MEIG1: variants seen among roughly 807,000 people sequenced by gnomAD.
The protein encoded by MEIG1 is meiosis expressed gene 1 protein homolog.
In MEIG1, 12 loss-of-function variants were observed where a neutral mutation model predicts 11.3. That is an observed-to-expected ratio of 1.07 (90% CI 0.68 to 1.73). The LOEUF (loss-of-function observed/expected upper bound fraction) is 1.73, where lower values mean the gene tolerates loss of function less well. Ranked by LOEUF, MEIG1 falls within the 40% of genes most tolerant of loss-of-function variation. The pLI is 0.00. For synonymous variants in MEIG1, 41 were observed against 33.2 expected (o/e 1.24, Z -0.81); for missense variants, 119 against 104.9 (o/e 1.13, Z -0.59).
At chr10:14,984,253 G>C (rs1056732839) in intron 1 of MEIG1, among the ~76,000 whole-genome samples, 1 of 150,882 alleles carries the variant, frequency 6.6e-6, no homozygotes, top group Admixed American at 6.6e-5. Context: ...TCCAGGGTGG[G>C]AGAGGGGGGT....
chr10:14,986,754 C>T (rs947380084), intron 1 of MEIG1: 2 of 331,224 alleles, frequency 6.0e-6, no homozygotes, highest in African/African-American at 4.4e-5. Flanking sequence ...AGACTACAGG[C>T]AGGCGTCACC....
At chr10:14,965,075 T>C (rs1199483813) in intron 1 of MEIG1, among the ~76,000 whole-genome samples, 1 of 144,398 alleles carries the variant, frequency 6.9e-6, no homozygotes, top group African/African-American at 2.6e-5. Flanking sequence ...CGAGCCACCA[T>C]GTCCAGCCTT....
intron 1 of MEIG1, among the ~76,000 whole-genome samples, chr10:14,963,702 C>T (rs186411207): frequency 6.6e-5 from 10 of 152,160 alleles, no homozygotes; most frequent in African/African-American, 1.2e-4. Flanking sequence ...CGGTGGCTTA[C>T]ACCTGTAATC....
At chr10:14,960,670 G>T (rs916737336) in intron 1 of MEIG1, among the ~76,000 whole-genome samples, 2 of 151,734 alleles carry the variant, frequency 1.3e-5, no homozygotes, top group African/African-American at 4.8e-5. Flanking sequence ...CACCCGCCTC[G>T]GTCTCCCAAA....
chr10:14,979,415 G>T (rs1796043291), intron 1 of MEIG1, among the ~76,000 whole-genome samples: 1 of 151,738 alleles, frequency 6.6e-6, no homozygotes, highest in African/African-American at 2.4e-5. Context: ...TATGCCCTGG[G>T]ATAGTATTCA....
downstream of MEIG1, among the ~76,000 whole-genome samples, chr10:14,974,418 C>T (rs1163890436): frequency 1.3e-5 from 2 of 152,044 alleles, no homozygotes; most frequent in Non-Finnish European, 2.9e-5. Flanking sequence ...GTATTGTTTT[C>T]CCAGTTGAGA....
Position 14,966,510 on chromosome 10 carries a change from CA to C in MEIG1, c.48del (p.Lys16AsnfsTer6). ...DVKPKSVSHAKKWSEEIENLY... is the reference protein window; with the variant it reads ...DVKPKSVSHAXKWSEEIENLY... ...TAAAACCAAAATCAGTAAGTCATGCCAAAAAATGGTCAGAAGAGATAGAAAA... is the reference window on the plus strand; with the variant it reads ...TAAAACCAAAATCAGTAAGTCATGCCAAAAATGGTCAGAAGAGATAGAAAA... On this transcript the variant is annotated frameshift_variant, in exon 2 of 3. Transcript: ENST00000407572. LOFTEE classifies it high-confidence loss of function. 1 of 1,610,654 alleles carries C rather than the reference CA, an allele frequency of 6.2e-7. No individual in the cohort carries two copies. Among genetic ancestry groups the C allele is most frequent in the Admixed American group, 1.7e-5 (1 of 59,570 alleles).
At position 14,967,504 on chromosome 10, in the gene MEIG1, ATTT is replaced by A. The variant is rs34624834; in HGVS notation, c.138+914_138+916del. ...TATTTATTCTCTTGGCTACTAAGATATTTTTTTTTTTTTTTTTTGAGACAGAGT... is the reference window on the plus strand; with the variant it reads ...TATTTATTCTCTTGGCTACTAAGATATTTTTTTTTTTTTTTGAGACAGAGT... On this transcript the variant is annotated intron_variant, in intron 2 of 2. Coordinates refer to ENST00000407572, the MANE Select transcript of MEIG1 (RefSeq NM_001080836.3). Among the ~76,000 whole-genome samples, 471 of 135,248 alleles carry A rather than the reference ATTT, an allele frequency of 3.5e-3. 2 individuals are homozygous for A. Among genetic ancestry groups the A allele is most frequent in the Middle Eastern group, 0.011 (3 of 262 alleles). 88.7% of individuals were successfully genotyped at this position (135,248 alleles called of 152,430 possible). A position where few individuals can be genotyped will look rare whatever the true frequency, so the allele number is the denominator to read the frequency against.
intron 2 of MEIG1, among the ~76,000 whole-genome samples, chr10:14,971,265 T>TA (rs555818426): frequency 2.1e-5 from 3 of 146,110 alleles, no homozygotes; most frequent in African/African-American, 7.7e-5. Flanking sequence ...TAGAAGAAAT[T>TA]AAAAAAAAGA....
At chr10:14,959,147 T>C (rs976022889), upstream of MEIG1, among the ~76,000 whole-genome samples, 1 of 152,226 alleles carries the variant, frequency 6.6e-6, no homozygotes, top group African/African-American at 2.4e-5. Flanking sequence ...TGTGATCCGC[T>C]TTCACAGGGA....
chr10:14,967,593 CTCCCGGG>C (rs1282028156), intron 2 of MEIG1, among the ~76,000 whole-genome samples: 1 of 151,864 alleles, frequency 6.6e-6, no homozygotes, highest in East Asian at 1.9e-4. Flanking sequence ...CAACCTCCAC[CTCCCGGG>C]TTCAAGTGAT....
intron 1 of MEIG1, among the ~76,000 whole-genome samples, chr10:14,963,176 A>G (rs1843035686): frequency 6.6e-6 from 1 of 150,850 alleles, no homozygotes; most frequent in Admixed American, 6.6e-5. Flanking sequence ...GGCTCACTGC[A>G]ACCTCTGCCC....
downstream of MEIG1, among the ~76,000 whole-genome samples, chr10:14,973,954 C>G (rs897618201): frequency 3.3e-5 from 5 of 152,092 alleles, no homozygotes; most frequent in Admixed American, 2.6e-4. Flanking sequence ...CCATGGGAAT[C>G]ACGTGCTTAT....
chr10:14,975,326 G>T (rs150836592), downstream of MEIG1, among the ~76,000 whole-genome samples: 220 of 152,076 alleles, frequency 1.4e-3, 1 homozygote, highest in African/African-American at 5.0e-3. Context: ...TGACTCCCCA[G>T]ACAGCAGGAG....
At chr10:14,964,686 G>C (rs1174894647) in intron 1 of MEIG1, among the ~76,000 whole-genome samples, 3 of 119,626 alleles carry the variant, frequency 2.5e-5, no homozygotes, top group Non-Finnish European at 4.8e-5. Context: ...CTGTCACCCA[G>C]GCTGGAGTGC....
At chr10:14,971,216 GATA>G (rs55964936) in intron 2 of MEIG1, among the ~76,000 whole-genome samples, 12 of 143,644 alleles carry the variant, frequency 8.4e-5, no homozygotes, top group Non-Finnish European at 9.0e-5. Flanking sequence ...TAATAATAAT[GATA>G]ATAATAATAA....
At chr10:14,965,695 AGAGAGAGAGAGAGAGAGAGAGG>A (rs1262104136) in intron 1 of MEIG1, among the ~76,000 whole-genome samples, 5 of 91,404 alleles carry the variant, frequency 5.5e-5, no homozygotes, top group Admixed American at 1.3e-4. Flanking sequence ...AGAGAGAGAG[AGAGAGAGAGAGAGAGAGAGAGG>A]TGCAGCTTTG....
intron 2 of MEIG1, chr10:14,987,202 C>T (rs996473312): frequency 7.4e-5 from 72 of 975,786 alleles, no homozygotes; most frequent in Non-Finnish European, 1.0e-4. Context: ...CCTTGGGAAC[C>T]GTGGCCGAAG....
intron 1 of MEIG1, among the ~76,000 whole-genome samples, chr10:14,986,561 C>A (rs1843320759): frequency 6.6e-6 from 1 of 152,306 alleles, no homozygotes; most frequent in East Asian, 1.9e-4. Context: ...CATCCCTTTT[C>A]TTCGTAGCGT....
Sources: allele counts gnomAD v4.1 joint callset (sites outside exome capture counted in the v4.1 genomes callset), GRCh38; gene constraint gnomAD v4.1.1; transcripts MANE v1.5; gene names NCBI Gene and HGNC (gene_info 2026-07-23, HGNC 2026-07-21).